The following PDPK1 variants were observed in gnomAD, a reference collection of about 807,000 sequenced individuals.
PDPK1 encodes 3-phosphoinositide dependent protein kinase 1, also known as 3-phosphoinositide-dependent protein kinase 1.
PDPK1 carries 7 observed loss-of-function variants against 39.8 expected under a neutral mutation model. The ratio of observed to expected loss-of-function variants is 0.18; its 90% CI spans 0.10 to 0.33. PDPK1 has a LOEUF of 0.33. Ranked by LOEUF, PDPK1 falls within the 10% of genes least tolerant of loss-of-function variation. The pLI, the probability that PDPK1 is intolerant of heterozygous loss-of-function variation, is 1.00. For synonymous variants in PDPK1, 118 were observed against 159.1 expected (o/e 0.74, Z 1.95); for missense variants, 182 against 384.7 (o/e 0.47, Z 4.41).
At chr16:2,584,333 T>TACACGGCACC (rs2066818406) in intron 10 of PDPK1, among the ~76,000 whole-genome samples, 1 of 142,904 alleles carries the variant, frequency 7.0e-6, no homozygotes, top group Non-Finnish European at 1.6e-5. Context: ...ACTGGCACCG[T>TACACGGCACC]GTACGGAGTT....
chr16:2,591,123 C>T (rs941989385), intron 11 of PDPK1, among the ~76,000 whole-genome samples: 17 of 152,030 alleles, frequency 1.1e-4, no homozygotes, highest in African/African-American at 2.9e-4. Context: ...CCACCACACC[C>T]GGCTGAGTTT....
intron 1 of PDPK1, among the ~76,000 whole-genome samples, chr16:2,547,460 C>T (rs1451064515): frequency 9.9e-6 from 1 of 100,718 alleles, no homozygotes; most frequent in Non-Finnish European, 1.9e-5. Flanking sequence ...GTCAGAATTA[C>T]AGTCTTTTGA....
At chr16:2,594,695 T>G (rs933727867) in intron 11 of PDPK1, 3 of 152,130 alleles carry the variant, frequency 2.0e-5, no homozygotes, top group Non-Finnish European at 2.9e-5. Context: ...AAATAGTATC[T>G]TGGGGCCGGG....
rs200815032 is a variant in PDPK1, at chr16:2,602,220, T to TA, written c.*4454dup. The TA allele has an allele frequency of 5.0e-3, 1,163 of 234,620 alleles. 24 individuals are homozygous for TA. Among genetic ancestry groups the TA allele is most frequent in the East Asian group, 0.028 (467 of 16,582 alleles). The allele number at this position is 234,620 out of a possible 1,614,324, so 14.5% of individuals were successfully genotyped here. On this transcript the variant is annotated 3_prime_UTR_variant, in exon 14 of 14. Transcript: ENST00000342085. The stretch of plus-strand genomic sequence containing the variant: ...GACTCACTGGGTGGGGGTCCCTTCT[T>TA]ACGCAGCACACGTGGCAAGTGCCTG...
At chr16:2,584,959 C>T (rs981525832) in intron 10 of PDPK1, among the ~76,000 whole-genome samples, 4 of 152,236 alleles carry the variant, frequency 2.6e-5, no homozygotes, top group African/African-American at 9.6e-5. Context: ...CACGGGGCTG[C>T]AGTGCTCTCC....
At chr16:2,546,625 C>T (rs376969343) in intron 1 of PDPK1, among the ~76,000 whole-genome samples, 9 of 152,212 alleles carry the variant, frequency 5.9e-5, no homozygotes, top group East Asian at 5.8e-4. Context: ...CCACCGTGCC[C>T]GGCCTTCCTT....
chr16:2,541,392 C>T (rs917069690), intron 1 of PDPK1, among the ~76,000 whole-genome samples: 71 of 152,142 alleles, frequency 4.7e-4, no homozygotes, highest in African/African-American at 1.5e-3. Flanking sequence ...AACTGGGAAG[C>T]GCTGCAGAAA....
Position 2,601,145 on chromosome 16 carries a change from T to C in PDPK1, c.*3378T>C, listed in dbSNP as rs536897617. 4.3e-6 allele frequency: 1 copy of C among 233,096 alleles called. No individual in the cohort carries two copies. The highest frequency in any genetic ancestry group is 6.0e-5 in the East Asian group (1 of 16,576). 14.4% of individuals were successfully genotyped at this position (233,096 alleles called of 1,614,324 possible). On this transcript the variant is annotated 3_prime_UTR_variant, in exon 14 of 14. Transcript: ENST00000342085. ...CCCTTAGATGCCTGGAAGTGGTATTTTGAGGTGAAAGAGTTTGTTCATTTT... is the reference window on the plus strand; with the variant it reads ...CCCTTAGATGCCTGGAAGTGGTATTCTGAGGTGAAAGAGTTTGTTCATTTT...
rs1486949084 is a variant in PDPK1 at position 2,601,417 on chromosome 16, T to TGCATGTCAGCTCTCTGCCC, written c.*3651_*3669dup. ...TTGGTTGCAAGAACCTGGCTCTGCC[T>TGCATGTCAGCTCTCTGCCC]GCATGTCAGCTCTCTGCCCTCCCTG... On this transcript the variant is annotated 3_prime_UTR_variant, in exon 14 of 14. Transcript: ENST00000342085. 3 of 234,552 alleles carry TGCATGTCAGCTCTCTGCCC rather than the reference T, an allele frequency of 1.3e-5. No homozygotes were observed. The highest frequency in any genetic ancestry group is 6.6e-5 in the African/African-American group (3 of 45,330). 14.5% of individuals were successfully genotyped at this position (234,552 alleles called of 1,614,324 possible). A position where few individuals can be genotyped will look rare whatever the true frequency, so the allele number is the denominator to read the frequency against.
rs2067206932 is a variant in PDPK1 at position 2,601,124 on chromosome 16, T to C, written c.*3357T>C. On this transcript the variant is annotated 3_prime_UTR_variant, in exon 14 of 14. Coordinates refer to ENST00000342085, the MANE Select transcript of PDPK1 (RefSeq NM_002613.5). ...TCTGATTTCTTACTTTTTTCCCCCT[T>C]AGATGCCTGGAAGTGGTATTTTGAG... 2 of 232,914 alleles carry C rather than the reference T, an allele frequency of 8.6e-6. No individual in the cohort carries two copies. Among genetic ancestry groups the C allele is most frequent in the Non-Finnish European group, 1.7e-5 (2 of 117,936 alleles). 14.4% of individuals were successfully genotyped at this position (232,914 alleles called of 1,614,324 possible).
chr16:2,586,242 T>TG (rs1567163827), intron 10 of PDPK1, among the ~76,000 whole-genome samples: 1 of 152,246 alleles, frequency 6.6e-6, no homozygotes. Flanking sequence ...CTAAGACACC[T>TG]GGGGCCCAAC....
chr16:2,538,187 C>G, intron 1 of PDPK1, 51 bp downstream of exon 1: 1 of 1,002,634 alleles, frequency 1.0e-6, no homozygotes, highest in Non-Finnish European at 1.2e-6. Flanking sequence ...CCTGCCGGGT[C>G]CGGCGGCCGC....
rs1209137090 is a variant in PDPK1 at position 2,593,747 on chromosome 16, C to T, written c.1344-2046C>T. The T allele has an allele frequency of 6.5e-6, 1 of 153,808 alleles. No homozygotes were observed. Among genetic ancestry groups the T allele is most frequent in the Non-Finnish European group, 1.4e-5 (1 of 69,218 alleles). The allele number at this position is 153,808 out of a possible 1,614,324, so 9.5% of individuals were successfully genotyped here. A position where few individuals can be genotyped will look rare whatever the true frequency, so the allele number is the denominator to read the frequency against. On this transcript the variant is annotated intron_variant, in intron 11 of 13. Transcript: ENST00000342085. This position sits in a 1 kb window ranked among gnomAD's most constrained non-coding sequence, Gnocchi z 4.2. ...TATGATGAATTTTCCTTTGTTGTTC[C>T]TCTGCGCTGTTGCCTGGTCACAGGC...
intron 1 of PDPK1, among the ~76,000 whole-genome samples, chr16:2,551,608 T>C (rs933242091): frequency 6.6e-6 from 1 of 151,580 alleles, no homozygotes; most frequent in African/African-American, 2.4e-5. Flanking sequence ...CTGGCTGAAG[T>C]GTTCATCTGC....
intron 1 of PDPK1, among the ~76,000 whole-genome samples, chr16:2,544,068 T>G (rs2066290116): frequency 6.6e-6 from 1 of 151,776 alleles, no homozygotes; most frequent in South Asian, 2.1e-4. Flanking sequence ...ATCATGACAA[T>G]AAAAAAAAGT....
intron 1 of PDPK1, among the ~76,000 whole-genome samples, chr16:2,546,273 G>C (rs753311187): frequency 6.6e-6 from 1 of 151,540 alleles, no homozygotes; most frequent in Non-Finnish European, 1.5e-5. Context: ...TAGTAGAGAC[G>C]GGGTTTCACC....
intron 1 of PDPK1, chr16:2,538,635 G>A (rs1425993241): frequency 7.8e-7 from 1 of 1,288,984 alleles, no homozygotes; most frequent in African/African-American, 1.5e-5. Context: ...GATGACAGTG[G>A]TCGGGAAAAC....
intron 11 of PDPK1, 44 bp downstream of exon 11, chr16:2,586,937 G>A (rs767591694): frequency 9.8e-6 from 15 of 1,535,444 alleles, no homozygotes; most frequent in Non-Finnish European, 1.1e-5. Context: ...CAGAATTGCA[G>A]CGTGAACACG....
At chr16:2,560,193 A>T (rs1188903897) in intron 2 of PDPK1, among the ~76,000 whole-genome samples, 1 of 152,096 alleles carries the variant, frequency 6.6e-6, no homozygotes, top group Admixed American at 6.6e-5. Flanking sequence ...CAACGGAAAG[A>T]TCACATCAGT....
Sources: gnomAD v4.1 joint callset for allele counts (sites outside exome capture counted in the v4.1 genomes callset) on GRCh38, gnomAD v4.1.1 for gene constraint, Gnocchi (gnomAD v3.1) non-coding constraint, MANE v1.5 for transcripts, NCBI Gene and HGNC (gene_info 2026-07-23, HGNC 2026-07-21) for gene names.